CRTC2: variants seen among roughly 807,000 people sequenced by gnomAD.
CRTC2 encodes CREB-regulated transcription coactivator 2.
CRTC2 carries 25 observed loss-of-function variants against 70.9 expected under a neutral mutation model. The observed-to-expected ratio is 0.35, with a 90% CI of 0.26 to 0.49. CRTC2 has a LOEUF of 0.49. CRTC2 is among the 20% of genes least tolerant of loss of function. The probability of loss-of-function intolerance (pLI) is 0.98; values close to 1 mark genes in which losing one functional copy is unlikely to be tolerated. For missense variants in CRTC2, 737 were observed against 882.6 expected, an observed-to-expected ratio of 0.83 and a Z score of 2.09; for synonymous variants, 330 against 364.1, an observed-to-expected ratio of 0.91 and a Z score of 1.07.
Position 153,952,048 on chromosome 1 carries a change from T to C in CRTC2, c.967A>G (p.Met323Val), listed in dbSNP as rs764333945. The C allele has an allele frequency of 6.2e-7, 1 of 1,613,832 alleles. No homozygotes were observed. Among genetic ancestry groups the C allele is most frequent in the Admixed American group, 1.7e-5 (1 of 60,018 alleles). Residue 323 changes from methionine to valine, a missense_variant, in exon 10 of 14, where the codon ATG becomes GTG. Coordinates refer to ENST00000368633, the MANE Select transcript of CRTC2 (RefSeq NM_181715.3). ...TMTHLGISRGMGLGPGYDAPG... is the reference protein window; with the variant it reads ...TMTHLGISRGVGLGPGYDAPG... ...GCATCATAGCCTGGGCCCAGGCCCA[T>C]GCCCCTGCTGATGCCCAGGTGAGTC... is the stretch of plus-strand genomic sequence containing the variant.
At chr1:153,954,828 A>T in intron 3 of CRTC2, 45 bp downstream of exon 3, 1 of 1,540,760 alleles carries the variant, frequency 6.5e-7, no homozygotes, top group Non-Finnish European at 9.0e-7. Flanking sequence ...GAGGAACCCC[A>T]TCCCACTACC....
intron 10 of CRTC2, 50 bp downstream of exon 10, chr1:153,951,968 C>G: frequency 6.3e-7 from 1 of 1,580,482 alleles, no homozygotes; most frequent in Non-Finnish European, 8.6e-7. Context: ...CCCCTTCATC[C>G]CTCCAGTCAG....
chr1:153,950,942 C>G (rs1171453828), intron 11 of CRTC2, among the ~76,000 whole-genome samples: 1 of 152,220 alleles, frequency 6.6e-6, no homozygotes, highest in Non-Finnish European at 1.5e-5. Context: ...TATGTTACTT[C>G]ATTTGATCCT....
chr1:153,956,019 C>A (rs1452631546), intron 1 of CRTC2, among the ~76,000 whole-genome samples: 1 of 152,154 alleles, frequency 6.6e-6, no homozygotes, highest in Non-Finnish European at 1.5e-5. Context: ...AGAGGAAGGC[C>A]ACAGGTGGAT....
chr1:153,950,081 C>T (rs1013172382), intron 11 of CRTC2, among the ~76,000 whole-genome samples: 5 of 152,128 alleles, frequency 3.3e-5, no homozygotes, highest in African/African-American at 4.8e-5. Context: ...TACAAGCGTG[C>T]GCGACTGCAC....
chr1:153,956,437 G>C (rs1486714280), intron 1 of CRTC2, among the ~76,000 whole-genome samples: 1 of 152,214 alleles, frequency 6.6e-6, no homozygotes, highest in African/African-American at 2.4e-5. Context: ...CTCAGCCCCT[G>C]CGACCAGCCA....
At chr1:153,951,881 G>A (rs1014835211) in intron 10 of CRTC2, 137 bp downstream of exon 10, 23 of 1,285,740 alleles carry the variant, frequency 1.8e-5, no homozygotes, top group South Asian at 2.8e-5. Flanking sequence ...GAGAACTGCC[G>A]TGAGGGAATC....
chr1:153,952,870 A>C, intron 6 of CRTC2, 36 bp from the exon 7 acceptor site: 1 of 1,613,868 alleles, frequency 6.2e-7, no homozygotes, highest in Non-Finnish European at 8.5e-7. Context: ...TGCAGTGCTC[A>C]CTTGCCTACC....
In CRTC2 at chr1:153,952,461, G is replaced by A. The variant is rs753667553; in HGVS notation, c.703-15C>T. 3.7e-6 allele frequency: 6 copies of A among 1,614,092 alleles called. No homozygotes were observed. Among genetic ancestry groups the A allele is most frequent in the Non-Finnish European group, 5.1e-6 (6 of 1,179,940 alleles). On this transcript the variant is annotated splice_polypyrimidine_tract_variant and intron_variant, in intron 8 of 13. Coordinates refer to ENST00000368633, the MANE Select transcript of CRTC2 (RefSeq NM_181715.3). ...GATGAGGATAGCTGAGGAGAGAAGG[G>A]AGAATATGGAAAATGAGGACAGTGC...
chr1:153,956,408 T>A (rs1571083696), intron 1 of CRTC2, among the ~76,000 whole-genome samples: 1 of 152,128 alleles, frequency 6.6e-6, no homozygotes, highest in East Asian at 1.9e-4. Flanking sequence ...CTGTGAGAGG[T>A]GAGCATCTAT....
chr1:153,958,326 C>G lies in CRTC2; in HGVS notation c.153+19G>C, dbSNP rs768494092. The stretch of plus-strand genomic sequence containing the variant: ...GTAACTGCTCAGCTCTGCTCCGGCT[C>G]CCCGGCGCGGCCCCTCACCCGGGTG... On this transcript the variant is annotated intron_variant, in intron 1 of 13. Coordinates refer to ENST00000368633, the MANE Select transcript of CRTC2 (RefSeq NM_181715.3). 7 of 1,608,960 alleles carry G rather than the reference C, an allele frequency of 4.4e-6. No individual in the cohort carries two copies. In the African/African-American group the frequency reaches 9.4e-5, roughly 21 times the overall value.
rs1680139589 is a variant in CRTC2 at position 153,948,476 on chromosome 1, G to A, written c.1843C>T (p.Pro615Ser). Reference protein sequence around the residue: ...LTHCSRHGSGPNIILTGDSSP... With the variant: ...LTHCSRHGSGSNIILTGDSSP... ...CATTCACCTGTGAGGATGATGTTAG[G>A]CCCTGAGCCATGGCGGGAACAGTGG... Residue 615 changes from proline to serine, a missense_variant, in exon 13 of 14, where the codon CCT becomes TCT. Around this residue, in one of 3 missense-constraint regions of CRTC2, gnomAD observed 699 missense variants for 823.7 expected, o/e 0.85. Coordinates refer to ENST00000368633, the MANE Select transcript of CRTC2 (RefSeq NM_181715.3). 6 of 1,608,340 alleles carry A rather than the reference G, an allele frequency of 3.7e-6. No individual in the cohort carries two copies. Among genetic ancestry groups the A allele is most frequent in the Non-Finnish European group, 5.1e-6 (6 of 1,177,014 alleles).
chr1:153,950,556 C>G (rs147842616), intron 11 of CRTC2, among the ~76,000 whole-genome samples: 64 of 152,022 alleles, frequency 4.2e-4, no homozygotes, highest in Non-Finnish European at 7.2e-4. Flanking sequence ...AGATAGAGAA[C>G]AAGAAGAAAA....
chr1:153,957,739 C>G (rs1680699945), intron 1 of CRTC2, among the ~76,000 whole-genome samples: 2 of 152,128 alleles, frequency 1.3e-5, no homozygotes, highest in Non-Finnish European at 2.9e-5. Context: ...GAGGCCAGGA[C>G]AAAACACCAA....
chr1:153,958,493 G>A lies in CRTC2; in HGVS notation c.5C>T (p.Ala2Val), dbSNP rs1362195552. 1.2e-6 allele frequency: 2 copies of A among 1,607,630 alleles called. No homozygotes were observed. Among genetic ancestry groups the A allele is most frequent in the Non-Finnish European group, 1.7e-6 (2 of 1,175,954 alleles). Residue 2 changes from alanine to valine, a missense_variant, in exon 1 of 14, where the codon GCG becomes GTG. By Grantham distance (64) the Ala-to-Val change is moderately conservative. This residue lies in a region of CRTC2 where 29 missense variants were observed against 25.5 expected (regional missense o/e 1.14). Coordinates refer to ENST00000368633, the MANE Select transcript of CRTC2 (RefSeq NM_181715.3). ...ACCAGGCCCGTTCGCCCCCGACGTC[G>A]CCATCTTCCTTCCCCGTCCCTCCCT... is the stretch of plus-strand genomic sequence containing the variant. The part of the protein sequence containing the change: M[A>V]TSGANGPGSA...
In CRTC2 at chr1:153,948,386, C is replaced by T. The variant is rs1381464062; in HGVS notation, c.1862-57G>A. 3.1e-6 allele frequency: 5 copies of T among 1,612,980 alleles called. No individual in the cohort carries two copies. In the East Asian group the frequency reaches 8.9e-5, roughly 29 times the overall value. On this transcript the variant is annotated intron_variant, in intron 13 of 13. Transcript: ENST00000368633. ...TGTCCTGTAAACTTTTCCAAGACCC[C>T]TCAATCTCCTACTCATTAGTGAATG...
At chr1:153,954,132 T>G in intron 4 of CRTC2, 123 bp downstream of exon 4, 1 of 740,400 alleles carries the variant, frequency 1.4e-6, no homozygotes, top group Non-Finnish European at 2.4e-6. Flanking sequence ...AGCCCTGGCG[T>G]TATAGGAAGA....
At chr1:153,950,207 C>T (rs1430225805) in intron 11 of CRTC2, among the ~76,000 whole-genome samples, 1 of 152,224 alleles carries the variant, frequency 6.6e-6, no homozygotes, top group Non-Finnish European at 1.5e-5. Flanking sequence ...GCCACTGTGC[C>T]TAGCCTTAGA....
chr1:153,951,772 C>A, intron 10 of CRTC2, 106 bp from the exon 11 acceptor site: 1 of 1,261,740 alleles, frequency 7.9e-7, no homozygotes, highest in Non-Finnish European at 1.1e-6. Context: ...AGCGGCAACA[C>A]AACGTCCTCC....
Sources: allele counts gnomAD v4.1 joint callset (sites outside exome capture counted in the v4.1 genomes callset), GRCh38; gene constraint gnomAD v4.1.1; regional missense constraint gnomAD v4.1.1; transcripts MANE v1.5; gene names NCBI Gene and HGNC (gene_info 2026-07-23, HGNC 2026-07-21).